Variants in CCR3 observed in about 807,000 individuals in gnomAD.
The protein encoded by CCR3 is C-C motif chemokine receptor 3.
For synonymous variants in CCR3, 203 were observed against 179.2 expected (o/e 1.13, Z -1.06); for missense variants, 419 against 437.5 (o/e 0.96, Z 0.38).
At chr3:46,226,326 CTATAT>C (rs1699895041) in intron 2 of CCR3, among the ~76,000 whole-genome samples, 1 of 152,032 alleles carries the variant, frequency 6.6e-6, no homozygotes, top group Non-Finnish European at 1.5e-5. Context: ...GTATATCTCT[CTATAT>C]TTATTTAGGT....
intron 1 of CCR3, chr3:46,264,642 C>CCT (rs1371586536): frequency 2.0e-5 from 11 of 538,710 alleles, no homozygotes; most frequent in Non-Finnish European, 2.9e-5. Flanking sequence ...ATGAATGGCT[C>CCT]ATCATTATGG....
chr3:46,225,287 G>A (rs1699881932), intron 2 of CCR3, among the ~76,000 whole-genome samples: 1 of 152,148 alleles, frequency 6.6e-6, no homozygotes, highest in Non-Finnish European at 1.5e-5. Flanking sequence ...GGTTACATGG[G>A]TATGTGCACA....
At chr3:46,262,984 G>A (rs1318453810) in intron 1 of CCR3, among the ~76,000 whole-genome samples, 1 of 152,162 alleles carries the variant, frequency 6.6e-6, no homozygotes, top group Non-Finnish European at 1.5e-5. Context: ...CTGATCCCAT[G>A]CAGCTAGTAA....
intron 1 of CCR3, among the ~76,000 whole-genome samples, chr3:46,252,698 A>T (rs1459382560): frequency 6.6e-6 from 1 of 152,114 alleles, no homozygotes; most frequent in East Asian, 1.9e-4. Flanking sequence ...ACAAGAAGGG[A>T]TAGCTGGTGG....
intron 2 of CCR3, among the ~76,000 whole-genome samples, chr3:46,236,675 G>C (rs1233552416): frequency 2.0e-5 from 3 of 152,202 alleles, no homozygotes; most frequent in Non-Finnish European, 2.9e-5. Context: ...CTCACACTGG[G>C]GTCCCCAGGA....
chr3:46,249,764 G>T (rs1700269936), intron 1 of CCR3, among the ~76,000 whole-genome samples: 1 of 152,166 alleles, frequency 6.6e-6, no homozygotes, highest in Admixed American at 6.5e-5. Context: ...GCTCCTCGGG[G>T]AGGAGGTTCT....
At chr3:46,215,961 C>G (rs1476316807) in intron 2 of CCR3, among the ~76,000 whole-genome samples, 1 of 152,198 alleles carries the variant, frequency 6.6e-6, no homozygotes, top group Non-Finnish European at 1.5e-5. Context: ...ATCTGGGAGT[C>G]AGACACCTGA....
At chr3:46,252,143 T>C (rs938451748) in intron 1 of CCR3, among the ~76,000 whole-genome samples, 1 of 150,014 alleles carries the variant, frequency 6.7e-6, no homozygotes, top group South Asian at 2.2e-4. Context: ...TTTCAAGTGC[T>C]CAATAGCCAT....
chr3:46,245,886 T>A (rs1700179788), intron 1 of CCR3, among the ~76,000 whole-genome samples: 1 of 152,232 alleles, frequency 6.6e-6, no homozygotes, highest in South Asian at 2.1e-4. Context: ...CACTATCTGT[T>A]TTTTTATGGC....
At chr3:46,253,877 C>T (rs1359921585) in intron 1 of CCR3, among the ~76,000 whole-genome samples, 2 of 151,994 alleles carry the variant, frequency 1.3e-5, no homozygotes, top group South Asian at 2.1e-4. Flanking sequence ...AGAATGAGGC[C>T]GTTCTACAAG....
upstream of CCR3, among the ~76,000 whole-genome samples, chr3:46,239,208 G>A (rs190199997): frequency 9.6e-4 from 146 of 152,292 alleles, no homozygotes; most frequent in African/African-American, 3.4e-3. Context: ...TTTCTCCAAG[G>A]TGTAGAAATG....
intron 2 of CCR3, among the ~76,000 whole-genome samples, chr3:46,226,288 C>A (rs1699894344): frequency 6.6e-6 from 1 of 152,136 alleles, no homozygotes; most frequent in African/African-American, 2.4e-5. Context: ...GACATCTTTA[C>A]TGTTGAGTCT....
chr3:46,246,908 G>A (rs897684495), intron 1 of CCR3, among the ~76,000 whole-genome samples: 7 of 152,032 alleles, frequency 4.6e-5, no homozygotes, highest in African/African-American at 1.5e-4. Flanking sequence ...GGGAGGTCTT[G>A]TGGTAAGGGG....
At chr3:46,259,959 T>C (rs1700491929) in intron 1 of CCR3, among the ~76,000 whole-genome samples, 1 of 151,724 alleles carries the variant, frequency 6.6e-6, no homozygotes, top group Admixed American at 6.6e-5. Context: ...AAAGAAAGAG[T>C]TTTATTGGAC....
chr3:46,221,045 G>A (rs1011170279), intron 2 of CCR3, among the ~76,000 whole-genome samples: 2 of 152,198 alleles, frequency 1.3e-5, no homozygotes, highest in Non-Finnish European at 2.9e-5. Flanking sequence ...AGCAAATAAT[G>A]TAAACTCAAC....
chr3:46,222,587 A>G (rs977783840), intron 2 of CCR3, among the ~76,000 whole-genome samples: 1 of 152,110 alleles, frequency 6.6e-6, no homozygotes. Context: ...GACATCATGC[A>G]TGGCCAGGCA....
At chr3:46,243,004 C>CACATATATATATATATA (rs1559531091) in intron 1 of CCR3, among the ~76,000 whole-genome samples, 1 of 62,850 alleles carries the variant, frequency 1.6e-5, no homozygotes, top group Non-Finnish European at 2.8e-5. Flanking sequence ...TATATATATA[C>CACATATATATATATATA]GCACACACAC....
At chr3:46,217,015 T>A (rs761961341) in intron 2 of CCR3, among the ~76,000 whole-genome samples, 2 of 152,080 alleles carry the variant, frequency 1.3e-5, no homozygotes, top group Non-Finnish European at 2.9e-5. Flanking sequence ...ATACTAACAT[T>A]GAATGTAAAT....
At chr3:46,255,501 T>C (rs553588389) in intron 1 of CCR3, among the ~76,000 whole-genome samples, 1 of 152,266 alleles carries the variant, frequency 6.6e-6, no homozygotes, top group African/African-American at 2.4e-5. Flanking sequence ...TCTTTTGAGG[T>C]TATCTTCTAA....
Sources: allele counts gnomAD v4.1 joint callset (sites outside exome capture counted in the v4.1 genomes callset), GRCh38; gene constraint gnomAD v4.1.1; transcripts MANE v1.5; gene names NCBI Gene and HGNC (gene_info 2026-07-23, HGNC 2026-07-21).